Variants in TTLL6 observed in about 807,000 individuals in gnomAD.
TTLL6 encodes the protein tubulin tyrosine ligase like 6, also known as tubulin polyglutamylase TTLL6.
In TTLL6, 75 loss-of-function variants were observed where a neutral mutation model predicts 96.4. The ratio of observed to expected loss-of-function variants is 0.78; its 90% CI spans 0.65 to 0.94. The LOEUF (loss-of-function observed/expected upper bound fraction) is 0.94, where lower values mean the gene tolerates loss of function less well. Among genes scored for constraint, TTLL6 ranks in the 40% least tolerant of loss-of-function variants. The probability of loss-of-function intolerance (pLI) is 0.00; values close to 1 mark genes in which losing one functional copy is unlikely to be tolerated. For synonymous variants in TTLL6, 411 were observed against 419.4 expected, an observed-to-expected ratio of 0.98 and a Z score of 0.24; for missense variants, 1,030 against 1,093.0, an observed-to-expected ratio of 0.94 and a Z score of 0.81.
At chr17:48,816,917 G>A in intron 1 of TTLL6, 53 bp downstream of exon 1, 7 of 1,359,708 alleles carry the variant, frequency 5.1e-6, no homozygotes, top group Non-Finnish European at 6.9e-6. Flanking sequence ...TCAGGGGACA[G>A]GCACCAGGAG....
chr17:48,791,288 A>T, intron 9 of TTLL6, 90 bp downstream of exon 9: 1 of 1,190,482 alleles, frequency 8.4e-7, no homozygotes, highest in Non-Finnish European at 1.2e-6. Flanking sequence ...AAGTTGAAAC[A>T]ATTTAGGTGA....
At position 48,797,116 on chromosome 17, in the gene TTLL6, T is replaced by C; in HGVS notation, c.857A>G (p.Glu286Gly). 1 of 1,551,600 alleles carries C rather than the reference T, an allele frequency of 6.4e-7. No individual in the cohort carries two copies. Among genetic ancestry groups the C allele is most frequent in the East Asian group, 2.4e-5 (1 of 40,916 alleles). Reference sequence around the variant, plus strand: ...GGTCGTCGCAAAGCGGGCCAGTCCTTCATTGTACACAAAAATCCTGAGAGG... The same window carrying C: ...GGTCGTCGCAAAGCGGGCCAGTCCTCCATTGTACACAAAAATCCTGAGAGG... ...CDPLRIFVYNEGLARFATTSY... is the reference protein window; with the variant it reads ...CDPLRIFVYNGGLARFATTSY... The change falls in exon 7 of 16, where the codon GAA becomes GGA. Residue 286 changes from glutamate (E) to glycine (G), a missense_variant. Coordinates refer to ENST00000393382, the MANE Select transcript of TTLL6 (RefSeq NM_001130918.3).
chr17:48,787,763 A>G, intron 11 of TTLL6, 48 bp downstream of exon 11: 1 of 1,560,550 alleles, frequency 6.4e-7, no homozygotes, highest in Non-Finnish European at 8.7e-7. Context: ...TAGATCACAC[A>G]CAATCCCCAG....
chr17:48,807,515 T>G (rs2039521480), intron 1 of TTLL6, among the ~76,000 whole-genome samples: 1 of 152,130 alleles, frequency 6.6e-6, no homozygotes, highest in African/African-American at 2.4e-5. Flanking sequence ...GTTTCTGGGT[T>G]TTTTGGTTTG....
intron 10 of TTLL6, among the ~76,000 whole-genome samples, chr17:48,789,370 G>A (rs939101421): frequency 1.3e-5 from 2 of 152,104 alleles, no homozygotes; most frequent in African/African-American, 2.4e-5. Context: ...AATAGCCTTC[G>A]ATATATATTA....
intron 13 of TTLL6, among the ~76,000 whole-genome samples, chr17:48,774,198 G>A (rs535001493): frequency 7.3e-6 from 1 of 136,970 alleles, no homozygotes; most frequent in African/African-American, 2.7e-5. Flanking sequence ...TAGAAAAATA[G>A]ACAAAACTCA....
At chr17:48,815,147 G>A (rs2039650858) in intron 1 of TTLL6, among the ~76,000 whole-genome samples, 1 of 152,174 alleles carries the variant, frequency 6.6e-6, no homozygotes, top group Non-Finnish European at 1.5e-5. Context: ...CAATAATTTG[G>A]TGGTTGACTA....
At chr17:48,795,980 C>A in intron 8 of TTLL6, 81 bp downstream of exon 8, 1 of 1,167,692 alleles carries the variant, frequency 8.6e-7, no homozygotes, top group Non-Finnish European at 1.2e-6. Context: ...CTGATGGGGA[C>A]TAACAGGGTT....
At chr17:48,788,023 C>T in intron 10 of TTLL6, 24 bp from the exon 11 acceptor site, 1 of 1,604,882 alleles carries the variant, frequency 6.2e-7, no homozygotes. Flanking sequence ...GAACATGGGG[C>T]TGCTGTCAGG....
chr17:48,778,045 G>A (rs2038912664), intron 13 of TTLL6, among the ~76,000 whole-genome samples: 1 of 152,212 alleles, frequency 6.6e-6, no homozygotes, highest in Non-Finnish European at 1.5e-5. Flanking sequence ...GTTAGGCCCA[G>A]GCGGGCAGGT....
intron 13 of TTLL6, among the ~76,000 whole-genome samples, chr17:48,776,526 A>C (rs1176081270): frequency 1.3e-5 from 2 of 152,228 alleles, no homozygotes; most frequent in Non-Finnish European, 2.9e-5. Flanking sequence ...ATATGCTAAG[A>C]ACAACTGGAA....
In TTLL6 at chr17:48,790,028, C is replaced by T. The variant is rs1278526673; in HGVS notation, c.1303G>A (p.Val435Ile). ...VKDGLLYDTLVLINLESCDKK... is the reference protein window; with the variant it reads ...VKDGLLYDTLILINLESCDKK... ...TCACAGCTTTCCAGGTTGATCAGGA[C>T]TAAGGTGTCATACAGCAGACCATCT... is the stretch of plus-strand genomic sequence containing the variant. Residue 435 changes from valine to isoleucine, a missense_variant, in exon 10 of 16, where the codon GTC (valine) becomes ATC (isoleucine). Val to Ile is a conservative substitution (Grantham distance 29, BLOSUM62 3). Transcript: ENST00000393382. 1.2e-6 allele frequency: 2 copies of T among 1,614,090 alleles called. No homozygotes were observed. The highest frequency in any genetic ancestry group is 1.7e-6 in the Non-Finnish European group (2 of 1,180,036).
At chr17:48,786,872 C>T (rs556607080) in intron 11 of TTLL6, among the ~76,000 whole-genome samples, 148 of 135,400 alleles carry the variant, frequency 1.1e-3, no homozygotes, top group Non-Finnish European at 1.6e-3. Flanking sequence ...CTCGCTCTGT[C>T]CCCCAGGCTG....
intron 1 of TTLL6, among the ~76,000 whole-genome samples, chr17:48,811,905 T>C (rs1239432326): frequency 6.6e-6 from 1 of 152,194 alleles, no homozygotes; most frequent in Non-Finnish European, 1.5e-5. Context: ...TTTGCCATGT[T>C]GGCCAGGCTG....
At chr17:48,814,959 G>A (rs1252305265) in intron 1 of TTLL6, among the ~76,000 whole-genome samples, 3 of 152,070 alleles carry the variant, frequency 2.0e-5, no homozygotes, top group Non-Finnish European at 4.4e-5. Context: ...TGTATTTTTA[G>A]TAGAGATGGG....
At chr17:48,797,875 G>C (rs1374271789) in intron 6 of TTLL6, among the ~76,000 whole-genome samples, 2 of 151,492 alleles carry the variant, frequency 1.3e-5, no homozygotes, top group African/African-American at 2.4e-5. Context: ...AGGCCGAAGA[G>C]GGAGGATTGC....
At chr17:48,800,888 C>G (rs67469980) in intron 5 of TTLL6, among the ~76,000 whole-genome samples, 46,258 of 152,002 alleles carry the variant, frequency 0.3, 7,307 homozygotes, top group Admixed American at 0.41. Context: ...CTGCTCCTAA[C>G]CGGGGTGCTA....
intron 13 of TTLL6, among the ~76,000 whole-genome samples, chr17:48,777,424 G>A (rs946059761): frequency 2.6e-5 from 4 of 151,958 alleles, no homozygotes; most frequent in South Asian, 2.1e-4. Context: ...GTGAAACCTC[G>A]TCTCTACTAA....
chr17:48,808,276 G>A (rs144863775), intron 1 of TTLL6, among the ~76,000 whole-genome samples: 5 of 152,160 alleles, frequency 3.3e-5, no homozygotes, highest in East Asian at 3.9e-4. Flanking sequence ...ATGCATTATC[G>A]CAGGTGAAGA....
Sources: allele counts gnomAD v4.1 joint callset (sites outside exome capture counted in the v4.1 genomes callset), GRCh38; gene constraint gnomAD v4.1.1; transcripts MANE v1.5; gene names NCBI Gene and HGNC (gene_info 2026-07-23, HGNC 2026-07-21).